Variants in NCAM2 observed in about 807,000 individuals in gnomAD.
The protein encoded by NCAM2 is neural cell adhesion molecule 2.
NCAM2 carries 30 observed loss-of-function variants against 98.1 expected under a neutral mutation model. The ratio of observed to expected loss-of-function variants is 0.31; its 90% CI spans 0.23 to 0.41. NCAM2 has a LOEUF of 0.41. Among genes scored for constraint, NCAM2 ranks in the 10% least tolerant of loss-of-function variants. The pLI is 1.00. For synonymous variants in NCAM2, 368 were observed against 342.4 expected (o/e 1.07, Z -0.83); for missense variants, 867 against 1,005.8 (o/e 0.86, Z 1.87).
At chr21:21,294,290 G>T (rs951913807) in intron 5 of NCAM2, among the ~76,000 whole-genome samples, 1 of 151,414 alleles carries the variant, frequency 6.6e-6, no homozygotes, top group Non-Finnish European at 1.5e-5. Flanking sequence ...GAATCTTCAT[G>T]CCCATCATGG....
At chr21:21,360,265 A>T (rs1013047388) in intron 8 of NCAM2, among the ~76,000 whole-genome samples, 3 of 151,962 alleles carry the variant, frequency 2.0e-5, no homozygotes, top group African/African-American at 7.2e-5. Context: ...TTTAAAAAAG[A>T]TATATTCAAT....
At chr21:21,495,046 CT>C (rs2146318606) in intron 15 of NCAM2, among the ~76,000 whole-genome samples, 1 of 151,872 alleles carries the variant, frequency 6.6e-6, no homozygotes, top group South Asian at 2.1e-4. Context: ...TAGTGGTTCA[CT>C]TTTTACACAA....
intron 15 of NCAM2, among the ~76,000 whole-genome samples, chr21:21,496,373 A>G (rs1298564112): frequency 1.3e-5 from 2 of 152,042 alleles, no homozygotes; most frequent in East Asian, 3.9e-4. Flanking sequence ...TAATGATGCT[A>G]AGCATTTTTT....
At chr21:21,381,746 T>C (rs2076158035) in intron 9 of NCAM2, among the ~76,000 whole-genome samples, 1 of 152,164 alleles carries the variant, frequency 6.6e-6, no homozygotes, top group Non-Finnish European at 1.5e-5. Flanking sequence ...TTTTAAGTAG[T>C]TACGCATATT....
intron 9 of NCAM2, among the ~76,000 whole-genome samples, chr21:21,408,267 G>C (rs760052783): frequency 6.6e-6 from 1 of 152,126 alleles, no homozygotes; most frequent in Non-Finnish European, 1.5e-5. Flanking sequence ...GTCAGTTGAA[G>C]GGAAGGGCAG....
chr21:21,399,162 G>C, intron 9 of NCAM2, among the ~76,000 whole-genome samples: 1 of 152,220 alleles, frequency 6.6e-6, no homozygotes, highest in Non-Finnish European at 1.5e-5. Context: ...TGAGAAATAT[G>C]GTTAATTTGT....
chr21:21,358,313 C>T (rs536189189), intron 8 of NCAM2, among the ~76,000 whole-genome samples: 14 of 152,046 alleles, frequency 9.2e-5, no homozygotes, highest in African/African-American at 2.9e-4. Flanking sequence ...GCCTCACTCC[C>T]TAAGATATAA....
At chr21:21,330,693 C>T (rs531683543) in intron 6 of NCAM2, among the ~76,000 whole-genome samples, 3 of 151,844 alleles carry the variant, frequency 2.0e-5, no homozygotes, top group Non-Finnish European at 4.4e-5. Flanking sequence ...ATTCAGTTCT[C>T]TCTGTTTTGC....
At chr21:21,358,165 C>T (rs549320344) in intron 8 of NCAM2, among the ~76,000 whole-genome samples, 6 of 152,066 alleles carry the variant, frequency 3.9e-5, no homozygotes, top group Admixed American at 6.5e-5. Context: ...CGTAGAGGAT[C>T]TCAAATAATC....
chr21:21,167,355 CT>C (rs1358055715), intron 1 of NCAM2, among the ~76,000 whole-genome samples: 1 of 151,874 alleles, frequency 6.6e-6, no homozygotes, highest in African/African-American at 2.4e-5. Context: ...ATGGTTTACT[CT>C]TTGGTTTTAG....
intron 1 of NCAM2, among the ~76,000 whole-genome samples, chr21:21,114,977 C>T (rs904421666): frequency 1.3e-5 from 2 of 151,982 alleles, no homozygotes; most frequent in Non-Finnish European, 1.5e-5. Context: ...CCTGCCACCA[C>T]GCCCAGCTAA....
chr21:21,382,517 A>ATTT (rs36015235), intron 9 of NCAM2, among the ~76,000 whole-genome samples: 3 of 59,512 alleles, frequency 5.0e-5, no homozygotes, highest in Non-Finnish European at 7.1e-5. Flanking sequence ...TATTTCAGGG[A>ATTT]TTTTTTTTTT....
intron 1 of NCAM2, among the ~76,000 whole-genome samples, chr21:21,128,457 G>C (rs1272346234): frequency 6.6e-6 from 1 of 152,086 alleles, no homozygotes; most frequent in African/African-American, 2.4e-5. Context: ...TCTGCATTTT[G>C]CTTGTACTGA....
At chr21:21,448,277 A>T (rs1474492550) in intron 12 of NCAM2, among the ~76,000 whole-genome samples, 4 of 152,062 alleles carry the variant, frequency 2.6e-5, no homozygotes, top group African/African-American at 9.7e-5. Flanking sequence ...CATCATCCTC[A>T]GCAACTGACA....
At chr21:21,274,181 A>AT (rs1568869708) in intron 1 of NCAM2, among the ~76,000 whole-genome samples, 6 of 150,688 alleles carry the variant, frequency 4.0e-5, no homozygotes, top group African/African-American at 2.4e-5. Flanking sequence ...AAAAAAAAAA[A>AT]ATTTTAATCA....
At chr21:21,364,306 A>G (rs888209456) in intron 8 of NCAM2, among the ~76,000 whole-genome samples, 3 of 152,000 alleles carry the variant, frequency 2.0e-5, no homozygotes, top group African/African-American at 4.8e-5. Context: ...AGTTAACAAG[A>G]CAGCCTGAGG....
intron 6 of NCAM2, among the ~76,000 whole-genome samples, chr21:21,326,094 A>G (rs1426712957): frequency 6.6e-6 from 1 of 152,196 alleles, no homozygotes; most frequent in East Asian, 1.9e-4. Flanking sequence ...GAAGAAAGGA[A>G]CATGTTTCTT....
intron 1 of NCAM2, among the ~76,000 whole-genome samples, chr21:21,047,626 C>A (rs1471915647): frequency 6.6e-6 from 1 of 152,128 alleles, no homozygotes; most frequent in Non-Finnish European, 1.5e-5. Flanking sequence ...AAAACTAATA[C>A]ACAAAGAGCA....
intron 1 of NCAM2, among the ~76,000 whole-genome samples, chr21:21,161,828 G>A (rs998719160): frequency 6.6e-6 from 1 of 151,962 alleles, no homozygotes; most frequent in African/African-American, 2.4e-5. Context: ...AACGCAGTCG[G>A]GCCAGGGGAA....
Sources: gnomAD v4.1 joint callset for allele counts (sites outside exome capture counted in the v4.1 genomes callset) on GRCh38, gnomAD v4.1.1 for gene constraint, MANE v1.5 for transcripts, NCBI Gene and HGNC (gene_info 2026-07-23, HGNC 2026-07-21) for gene names.